The following RPRD1A variants were observed in gnomAD, a reference collection of about 807,000 sequenced individuals.
The protein encoded by RPRD1A is regulation of nuclear pre-mRNA domain containing 1A, also known as regulation of nuclear pre-mRNA domain-containing protein 1A.
Under a neutral mutation model 37.8 loss-of-function variants are expected in RPRD1A, and 9 were observed. The observed-to-expected ratio is 0.24, with a 90% confidence interval of 0.14 to 0.42. The LOEUF (loss-of-function observed/expected upper bound fraction) is 0.42, where lower values mean the gene tolerates loss of function less well. Ranked by LOEUF, RPRD1A falls within the 10% of genes least tolerant of loss-of-function variation. The pLI is 1.00. For missense variants in RPRD1A, 255 were observed against 371.0 expected, an observed-to-expected ratio of 0.69 and a Z score of 2.57; for synonymous variants, 138 against 139.7, an observed-to-expected ratio of 0.99 and a Z score of 0.08.
chr18:36,039,235 G>A (rs1466269408), intron 1 of RPRD1A, among the ~76,000 whole-genome samples: 3 of 152,178 alleles, frequency 2.0e-5, no homozygotes, highest in East Asian at 3.9e-4. Flanking sequence ...TAAGTTTCCT[G>A]AGGCCTCCCC....
chr18:36,019,097 C>G (rs1206877954), intron 6 of RPRD1A, among the ~76,000 whole-genome samples: 1 of 148,314 alleles, frequency 6.7e-6, no homozygotes, highest in Non-Finnish European at 1.5e-5. Context: ...TAATGGGGAC[C>G]ATTGATTTTT....
chr18:36,066,227 A>G (rs2089028412), intron 1 of RPRD1A, among the ~76,000 whole-genome samples: 1 of 152,244 alleles, frequency 6.6e-6, no homozygotes, highest in Non-Finnish European at 1.5e-5. Flanking sequence ...CAAACAATAT[A>G]CAAGGACAGA....
intron 6 of RPRD1A, among the ~76,000 whole-genome samples, chr18:35,998,809 TAA>T (rs1035427751): frequency 6.6e-6 from 1 of 152,242 alleles, no homozygotes; most frequent in African/African-American, 2.4e-5. Context: ...TAATCCATGT[TAA>T]GTCTGTCTTG....
At chr18:36,035,721 A>C (rs1387385261) in intron 1 of RPRD1A, among the ~76,000 whole-genome samples, 1 of 152,240 alleles carries the variant, frequency 6.6e-6, no homozygotes, top group Non-Finnish European at 1.5e-5. Flanking sequence ...GAATAAACAA[A>C]ATGTGAATTA....
chr18:36,054,338 A>C (rs572542537), intron 1 of RPRD1A, among the ~76,000 whole-genome samples: 4 of 152,062 alleles, frequency 2.6e-5, no homozygotes, highest in Admixed American at 6.6e-5. Context: ...TAAAAATAGA[A>C]AAAAATTAGC....
At chr18:36,050,605 GAT>G (rs1278031246) in intron 1 of RPRD1A, among the ~76,000 whole-genome samples, 1 of 151,736 alleles carries the variant, frequency 6.6e-6, no homozygotes, top group African/African-American at 2.4e-5. Flanking sequence ...ATCCAAAAAA[GAT>G]ATACAGATAG....
chr18:36,059,090 T>C (rs1913993049), intron 1 of RPRD1A, among the ~76,000 whole-genome samples: 2 of 152,198 alleles, frequency 1.3e-5, no homozygotes, highest in African/African-American at 2.4e-5. Flanking sequence ...CATATACATC[T>C]ATCAAAACAT....
intron 6 of RPRD1A, among the ~76,000 whole-genome samples, chr18:36,015,317 A>C (rs1024749534): frequency 6.6e-6 from 1 of 150,578 alleles, no homozygotes; most frequent in African/African-American, 2.5e-5. Flanking sequence ...GGTTCAAGTG[A>C]TTCTCCTGCC....
intron 1 of RPRD1A, among the ~76,000 whole-genome samples, chr18:36,043,016 G>A (rs1912692703): frequency 6.6e-6 from 1 of 151,682 alleles, no homozygotes; most frequent in African/African-American, 2.4e-5. Context: ...TGACAGCATC[G>A]AGAAAGAACT....
chr18:36,056,491 T>TAACA (rs1913777273), intron 1 of RPRD1A, among the ~76,000 whole-genome samples: 1 of 152,236 alleles, frequency 6.6e-6, no homozygotes, highest in African/African-American at 2.4e-5. Context: ...TTTCACCATG[T>TAACA]TGGCTAGGCT....
chr18:36,030,763 A>G (rs749163316), intron 4 of RPRD1A, 45 bp downstream of exon 4: 76 of 1,161,560 alleles, frequency 6.5e-5, no homozygotes, highest in Non-Finnish European at 1.4e-5. Flanking sequence ...TGGTGGCAAC[A>G]TGAAGTAAAA....
chr18:36,061,687 T>C (rs2088913865), intron 1 of RPRD1A, among the ~76,000 whole-genome samples: 2 of 152,240 alleles, frequency 1.3e-5, no homozygotes, highest in African/African-American at 4.8e-5. Context: ...CAAAGGACAC[T>C]ATTAAGAAAG....
chr18:36,051,999 T>C (rs1347669911), intron 1 of RPRD1A, among the ~76,000 whole-genome samples: 1 of 151,962 alleles, frequency 6.6e-6, no homozygotes, highest in Non-Finnish European at 1.5e-5. Context: ...TCAAGCAAGA[T>C]AAACTCAAAC....
intron 1 of RPRD1A, among the ~76,000 whole-genome samples, chr18:36,053,210 T>C (rs1417069756): frequency 6.6e-6 from 1 of 152,152 alleles, no homozygotes; most frequent in Non-Finnish European, 1.5e-5. Flanking sequence ...TTTAACCACT[T>C]TAAAGCATAC....
intron 6 of RPRD1A, among the ~76,000 whole-genome samples, chr18:36,007,733 A>G (rs75614830): frequency 2.1e-4 from 32 of 152,080 alleles, no homozygotes; most frequent in African/African-American, 7.0e-4. Flanking sequence ...AGGTCAAGAG[A>G]TCAAGACCAG....
intron 1 of RPRD1A, among the ~76,000 whole-genome samples, chr18:36,060,852 A>C (rs115327198): frequency 0.014 from 2,072 of 152,150 alleles, 57 homozygotes; most frequent in African/African-American, 0.047. Flanking sequence ...AAATAAGCCC[A>C]GCATGGTAGT....
At chr18:36,046,200 CG>C (rs1168944357) in intron 1 of RPRD1A, among the ~76,000 whole-genome samples, 4 of 152,150 alleles carry the variant, frequency 2.6e-5, no homozygotes, top group African/African-American at 9.7e-5. Flanking sequence ...GCAAAGAAAA[CG>C]GTAAGCCTAG....
chr18:36,013,459 G>A (rs1221119837), intron 6 of RPRD1A, among the ~76,000 whole-genome samples: 2 of 152,000 alleles, frequency 1.3e-5, no homozygotes, highest in Admixed American at 6.6e-5. Context: ...AGACAACTTG[G>A]GTCTTCCCAA....
intron 1 of RPRD1A, among the ~76,000 whole-genome samples, chr18:36,060,978 T>A (rs905217641): frequency 1.3e-5 from 2 of 151,260 alleles, no homozygotes; most frequent in Admixed American, 6.6e-5. Context: ...AAAAAAAAAA[T>A]TTAGGAAACA....
Sources: gnomAD v4.1 joint callset for allele counts (sites outside exome capture counted in the v4.1 genomes callset) on GRCh38, gnomAD v4.1.1 for gene constraint, MANE v1.5 for transcripts, NCBI Gene and HGNC (gene_info 2026-07-23, HGNC 2026-07-21) for gene names.